The following ADAM29 variants were observed in gnomAD, a reference collection of about 807,000 sequenced individuals.
The protein encoded by ADAM29 is ADAM metallopeptidase domain 29, also known as disintegrin and metalloproteinase domain-containing protein 29.
For synonymous variants in ADAM29, 367 were observed against 342.3 expected, an observed-to-expected ratio of 1.07 and a Z score of -0.80; for missense variants, 969 against 1,001.8, an observed-to-expected ratio of 0.97 and a Z score of 0.44.
intron 4 of ADAM29, among the ~76,000 whole-genome samples, chr4:174,961,031 T>C (rs1189812228): frequency 6.6e-6 from 1 of 152,116 alleles, no homozygotes; most frequent in African/African-American, 2.4e-5. Context: ...GCCTTCTTGC[T>C]CCTCCCTTAC....
At chr4:174,924,825 C>T (rs549142772) in intron 2 of ADAM29, among the ~76,000 whole-genome samples, 8 of 152,254 alleles carry the variant, frequency 5.3e-5, no homozygotes, top group Non-Finnish European at 1.0e-4. Context: ...CCACTTCTTC[C>T]ATGTGGGCTA....
Position 174,976,330 on chromosome 4 carries a change from T to C in ADAM29, c.805T>C (p.Tyr269His). ...TGATGTAAGGAAATCTGTGCACCTG[T>C]ATTGCAAGTGGAAGTCGGAGAACAT... Reference protein sequence around the residue: ...VDDVRKSVHLYCKWKSENITP... With the variant: ...VDDVRKSVHLHCKWKSENITP... The change falls in exon 5 of 5, where the codon TAT becomes CAT. Residue 269 changes from tyrosine to histidine, a missense_variant. By Grantham distance (83) the Tyr-to-His change is moderately conservative. Transcript: ENST00000359240. 1.2e-6 allele frequency: 2 copies of C among 1,611,820 alleles called. No individual in the cohort carries two copies. Among genetic ancestry groups the C allele is most frequent in the Non-Finnish European group, 8.5e-7 (1 of 1,179,312 alleles).
chr4:174,961,328 T>TCATA (rs1360886190), intron 4 of ADAM29, among the ~76,000 whole-genome samples: 1 of 151,362 alleles, frequency 6.6e-6, no homozygotes, highest in African/African-American at 2.4e-5. Flanking sequence ...ATATAGTTGA[T>TCATA]ATATTATTGA....
At chr4:174,952,039 T>G (rs889845683) in intron 4 of ADAM29, among the ~76,000 whole-genome samples, 5 of 152,160 alleles carry the variant, frequency 3.3e-5, no homozygotes, top group African/African-American at 1.2e-4. Context: ...ACAAATATGA[T>G]AAGTATGTGA....
At chr4:174,959,652 C>T (rs979991766) in intron 4 of ADAM29, among the ~76,000 whole-genome samples, 2 of 151,690 alleles carry the variant, frequency 1.3e-5, no homozygotes, top group African/African-American at 4.8e-5. Context: ...AATATTTCTC[C>T]ACAGTTCCTG....
chr4:174,969,962 G>A (rs376138710), intron 4 of ADAM29, among the ~76,000 whole-genome samples: 1 of 151,944 alleles, frequency 6.6e-6, no homozygotes, highest in Non-Finnish European at 1.5e-5. Context: ...GCAGTGTGGG[G>A]CTTGATTTAT....
Position 174,976,212 on chromosome 4 carries a change from T to G in ADAM29, c.687T>G (p.Val229=). The G allele has an allele frequency of 6.2e-7, 1 of 1,606,278 alleles. No homozygotes were observed. The highest frequency in any genetic ancestry group is 8.5e-7 in the Non-Finnish European group (1 of 1,177,456). The change falls in exon 5 of 5, where the codon GTT becomes GTG. Residue 229 remains valine (V), a synonymous_variant. Coordinates refer to ENST00000359240, the MANE Select transcript of ADAM29 (RefSeq NM_014269.4). ...TGCTGGAGGATCTATATGTTATTGT[T>G]AATATAGTGGATTCCATTTTGGATG... ...SKLLEDLYVI[V]NIVDSILDVI...
At chr4:174,928,505 G>T (rs1743651914) in intron 2 of ADAM29, among the ~76,000 whole-genome samples, 1 of 148,958 alleles carries the variant, frequency 6.7e-6, no homozygotes, top group Non-Finnish European at 1.5e-5. Context: ...GGGAAGGGAG[G>T]GGGAACAGTC....
intron 4 of ADAM29, among the ~76,000 whole-genome samples, chr4:174,960,680 A>G (rs966265287): frequency 6.6e-6 from 1 of 152,130 alleles, no homozygotes. Flanking sequence ...CTTTGATTCT[A>G]TCACTATCTT....
In ADAM29 at chr4:174,938,186, A is replaced by G. The variant is rs140697026; in HGVS notation, c.-181+1173A>G. ...GGAAAATTCTAAGTGGAGATAACAAATAAGAAGGAAGATTTAAATATTAAA... is the reference window on the plus strand; with the variant it reads ...GGAAAATTCTAAGTGGAGATAACAAGTAAGAAGGAAGATTTAAATATTAAA... On this transcript the variant is annotated intron_variant, in intron 4 of 4. Coordinates refer to ENST00000359240, the MANE Select transcript of ADAM29 (RefSeq NM_014269.4). Among the ~76,000 whole-genome samples the G allele has an allele frequency of 1.4e-4, 22 of 152,272 alleles. No individual in the cohort carries two copies. The East Asian group carries it at 4.2e-3, about 29-fold the overall frequency.
chr4:174,973,551 C>T (rs1033079976), intron 4 of ADAM29, among the ~76,000 whole-genome samples: 1 of 152,168 alleles, frequency 6.6e-6, no homozygotes, highest in Non-Finnish European at 1.5e-5. Flanking sequence ...TTGCTGATGT[C>T]ACTCTGTAGG....
chr4:174,928,108 T>A (rs1358706351), intron 2 of ADAM29, among the ~76,000 whole-genome samples: 1 of 152,132 alleles, frequency 6.6e-6, no homozygotes. Flanking sequence ...ACGTTTTCCC[T>A]AAGGGTATAC....
chr4:174,936,649 T>A (rs942094122), intron 3 of ADAM29, among the ~76,000 whole-genome samples: 1 of 151,954 alleles, frequency 6.6e-6, no homozygotes, highest in African/African-American at 2.4e-5. Context: ...AAATAAAGCC[T>A]CCTAAACGGT....
chr4:174,948,229 G>A (rs1247265601), intron 4 of ADAM29, among the ~76,000 whole-genome samples: 1 of 152,200 alleles, frequency 6.6e-6, no homozygotes, highest in Non-Finnish European at 1.5e-5. Flanking sequence ...AAGGTAAGAA[G>A]ACAATCTGGC....
chr4:174,922,446 A>G (rs1226872322), intron 2 of ADAM29, among the ~76,000 whole-genome samples: 1 of 152,206 alleles, frequency 6.6e-6, no homozygotes, highest in Non-Finnish European at 1.5e-5. Context: ...AAGTTTCCAA[A>G]GCCATAAACT....
At chr4:174,933,399 C>G (rs1306509454) in intron 3 of ADAM29, among the ~76,000 whole-genome samples, 1 of 152,004 alleles carries the variant, frequency 6.6e-6, no homozygotes, top group Non-Finnish European at 1.5e-5. Context: ...GACTATCTAA[C>G]ATGAGGTGGA....
At chr4:174,931,816 TCA>T (rs34499872) in intron 3 of ADAM29, among the ~76,000 whole-genome samples, 26,980 of 150,204 alleles carry the variant, frequency 0.18, 2,917 homozygotes, top group African/African-American at 0.3. Flanking sequence ...TCTCTCTCTG[TCA>T]CACACACACA....
chr4:174,934,850 A>G (rs1020728156), intron 3 of ADAM29, among the ~76,000 whole-genome samples: 1 of 152,164 alleles, frequency 6.6e-6, no homozygotes, highest in African/African-American at 2.4e-5. Flanking sequence ...CTTTTCTGAT[A>G]TTATAATTAG....
intron 4 of ADAM29, among the ~76,000 whole-genome samples, chr4:174,951,044 T>A (rs548177997): frequency 2.6e-5 from 4 of 152,326 alleles, no homozygotes; most frequent in African/African-American, 9.6e-5. Flanking sequence ...CTTTTCTTCA[T>A]AATTTACACA....
Sources: allele counts gnomAD v4.1 joint callset (sites outside exome capture counted in the v4.1 genomes callset), GRCh38; gene constraint gnomAD v4.1.1; transcripts MANE v1.5; gene names NCBI Gene and HGNC (gene_info 2026-07-23, HGNC 2026-07-21).